Variants in CADM2 observed in about 807,000 individuals in gnomAD.
CADM2 encodes the protein immunoglobulin superfamily member 4D.
In CADM2, 12 loss-of-function variants were observed where a neutral mutation model predicts 49.8. The observed-to-expected ratio is 0.24, with a 90% CI of 0.15 to 0.39. CADM2 has a LOEUF of 0.39. Ranked by LOEUF, CADM2 falls within the 10% of genes least tolerant of loss-of-function variation. The pLI, the probability that CADM2 is intolerant of heterozygous loss-of-function variation, is 1.00. For synonymous variants in CADM2, 214 were observed against 175.4 expected, an observed-to-expected ratio of 1.22 and a Z score of -1.74; for missense variants, 378 against 492.3, an observed-to-expected ratio of 0.77 and a Z score of 2.20.
chr3:85,915,181 A>G (rs148662365), intron 6 of CADM2, among the ~76,000 whole-genome samples: 142 of 152,296 alleles, frequency 9.3e-4, no homozygotes, highest in African/African-American at 3.2e-3. Context: ...GCCATTAACC[A>G]TATTTCAATA....
chr3:85,014,313 A>G (rs867793237), intron 1 of CADM2, among the ~76,000 whole-genome samples: 6 of 151,654 alleles, frequency 4.0e-5, no homozygotes, highest in Admixed American at 1.3e-4. Context: ...TTCTCATCAC[A>G]TAACATTTAT....
At chr3:85,070,189 T>C (rs2036668387) in intron 1 of CADM2, among the ~76,000 whole-genome samples, 2 of 152,174 alleles carry the variant, frequency 1.3e-5, no homozygotes, top group African/African-American at 2.4e-5. Context: ...CACTTTTTTC[T>C]TTTCCCAGTT....
At chr3:85,774,049 T>C (rs1406675255) in intron 2 of CADM2, among the ~76,000 whole-genome samples, 1 of 151,942 alleles carries the variant, frequency 6.6e-6, no homozygotes, top group Non-Finnish European at 1.5e-5. Context: ...CACGTAGCTT[T>C]TGTACTTTTC....
intron 1 of CADM2, among the ~76,000 whole-genome samples, chr3:85,631,863 A>G (rs1210864040): frequency 6.6e-6 from 1 of 152,170 alleles, no homozygotes; most frequent in Non-Finnish European, 1.5e-5. Context: ...ATCTCAACAG[A>G]TGATACTGGT....
chr3:85,384,380 C>T (rs964596223), intron 1 of CADM2, among the ~76,000 whole-genome samples: 1 of 151,644 alleles, frequency 6.6e-6, no homozygotes, highest in South Asian at 2.1e-4. Context: ...GCAATGGTAC[C>T]GTCTTGCTGC....
At chr3:85,438,931 T>A (rs2037056687) in intron 1 of CADM2, among the ~76,000 whole-genome samples, 1 of 152,040 alleles carries the variant, frequency 6.6e-6, no homozygotes, top group Non-Finnish European at 1.5e-5. Flanking sequence ...CAAGTGATTA[T>A]CTTGCCTCGG....
At chr3:85,049,629 TA>T in intron 1 of CADM2, among the ~76,000 whole-genome samples, 1 of 136,540 alleles carries the variant, frequency 7.3e-6, no homozygotes, top group Non-Finnish European at 1.7e-5. Context: ...GAATTACAAG[TA>T]TGAGCTACTG....
chr3:85,440,558 G>A (rs1176710234), intron 1 of CADM2, among the ~76,000 whole-genome samples: 1 of 152,176 alleles, frequency 6.6e-6, no homozygotes, highest in South Asian at 2.1e-4. Flanking sequence ...TTAGGTCTCA[G>A]TGTGGTCACC....
At chr3:85,817,583 C>T (rs993346779) in intron 3 of CADM2, among the ~76,000 whole-genome samples, 1 of 152,128 alleles carries the variant, frequency 6.6e-6, no homozygotes, top group Non-Finnish European at 1.5e-5. Flanking sequence ...AACCTCATGA[C>T]CTTCTGCAAA....
At chr3:85,911,377 G>A (rs1198162672) in intron 5 of CADM2, among the ~76,000 whole-genome samples, 1 of 152,104 alleles carries the variant, frequency 6.6e-6, no homozygotes, top group Non-Finnish European at 1.5e-5. Flanking sequence ...TTTAACGATG[G>A]ATCTAAATCA....
chr3:85,759,490 T>C (rs2069274755), intron 2 of CADM2, among the ~76,000 whole-genome samples: 2 of 152,130 alleles, frequency 1.3e-5, no homozygotes, highest in South Asian at 2.1e-4. Context: ...TTAAAATTAC[T>C]GTTCTCTAGA....
intron 1 of CADM2, among the ~76,000 whole-genome samples, chr3:85,112,760 A>G (rs985003469): frequency 1.3e-5 from 2 of 151,834 alleles, no homozygotes; most frequent in Non-Finnish European, 2.9e-5. Flanking sequence ...AATACTAACA[A>G]CATTAACGTT....
chr3:85,662,270 TG>T (rs1323579150), intron 1 of CADM2, among the ~76,000 whole-genome samples: 1 of 149,656 alleles, frequency 6.7e-6, no homozygotes, highest in East Asian at 2.0e-4. Context: ...ATATCAAGAA[TG>T]GGATGATGCC....
intron 6 of CADM2, among the ~76,000 whole-genome samples, chr3:85,930,897 T>C (rs1720503014): frequency 6.7e-6 from 1 of 149,196 alleles, no homozygotes; most frequent in African/African-American, 2.4e-5. Context: ...TATATGTTAA[T>C]TAATTAATAT....
chr3:85,290,295 C>A (rs545711270), intron 1 of CADM2, among the ~76,000 whole-genome samples: 9 of 152,104 alleles, frequency 5.9e-5, no homozygotes, highest in African/African-American at 2.2e-4. Flanking sequence ...CCTACGCCCA[C>A]GGAATCTTGC....
chr3:85,733,453 T>C (rs1327193554), intron 2 of CADM2, among the ~76,000 whole-genome samples: 1 of 152,194 alleles, frequency 6.6e-6, no homozygotes, highest in Non-Finnish European at 1.5e-5. Flanking sequence ...TCTCATTACT[T>C]TCTGTTGCAT....
chr3:85,412,879 AT>A (rs2035720319), intron 1 of CADM2, among the ~76,000 whole-genome samples: 1 of 151,992 alleles, frequency 6.6e-6, no homozygotes, highest in South Asian at 2.1e-4. Flanking sequence ...GATTTTAAAA[AT>A]AGCCATTTGA....
chr3:85,927,873 G>T (rs1720079902), intron 6 of CADM2, among the ~76,000 whole-genome samples: 1 of 152,012 alleles, frequency 6.6e-6, no homozygotes, highest in African/African-American at 2.4e-5. Context: ...TTAACTCAAA[G>T]CTTCTTTTTA....
chr3:85,867,552 A>G (rs1261383698), intron 3 of CADM2, among the ~76,000 whole-genome samples: 1 of 152,126 alleles, frequency 6.6e-6, no homozygotes, highest in African/African-American at 2.4e-5. Context: ...GATAAACAAT[A>G]AATATTTTAA....
Sources: gnomAD v4.1 joint callset for allele counts (sites outside exome capture counted in the v4.1 genomes callset) on GRCh38, gnomAD v4.1.1 for gene constraint, MANE v1.5 for transcripts, NCBI Gene and HGNC (gene_info 2026-07-23, HGNC 2026-07-21) for gene names.